Variants in CPQ observed in about 807,000 individuals in gnomAD.
The protein encoded by CPQ is Ser-Met dipeptidase.
Under a neutral mutation model 45.7 loss-of-function variants are expected in CPQ, and 37 were observed. The observed-to-expected ratio is 0.81, with a 90% CI of 0.62 to 1.07. The LOEUF is 1.07. CPQ is among the 50% of genes least tolerant of loss of function. The pLI is 0.00. For missense variants in CPQ, 537 were observed against 572.9 expected (o/e 0.94, Z 0.64); for synonymous variants, 186 against 205.8 (o/e 0.90, Z 0.82).
At chr8:96,944,112 T>C (rs1264964128) in intron 4 of CPQ, among the ~76,000 whole-genome samples, 1 of 152,152 alleles carries the variant, frequency 6.6e-6, no homozygotes, top group Non-Finnish European at 1.5e-5. Context: ...GTACAATCCC[T>C]CTTGAGAATT....
intron 6 of CPQ, among the ~76,000 whole-genome samples, chr8:97,056,055 T>C (rs1434410475): frequency 1.4e-4 from 22 of 152,038 alleles, no homozygotes; most frequent in Admixed American, 6.6e-5. Context: ...GCCAAGATCA[T>C]GCCACTGCAC....
chr8:97,003,105 A>G (rs1366546247), intron 5 of CPQ, among the ~76,000 whole-genome samples: 7 of 151,772 alleles, frequency 4.6e-5, no homozygotes, highest in Middle Eastern at 3.4e-3. Flanking sequence ...TCTGTTTCCT[A>G]TTTGGTAGAT....
chr8:96,723,208 A>G (rs2130764339), intron 1 of CPQ, among the ~76,000 whole-genome samples: 1 of 152,328 alleles, frequency 6.6e-6, no homozygotes, highest in Admixed American at 6.5e-5. Flanking sequence ...TTCTTAAAAA[A>G]TTGGGTCTAC....
At chr8:97,055,593 G>A (rs1378988498) in intron 6 of CPQ, 1 of 151,960 alleles carries the variant, frequency 6.6e-6, no homozygotes, top group Non-Finnish European at 1.5e-5. Context: ...GTGAAGGCTG[G>A]TGGTCGCTTG....
intron 6 of CPQ, among the ~76,000 whole-genome samples, chr8:97,037,120 A>G (rs1387933240): frequency 1.3e-5 from 2 of 152,220 alleles, no homozygotes; most frequent in Non-Finnish European, 2.9e-5. Flanking sequence ...GAAATACACT[A>G]AAGTGTTAGC....
rs764110279 is a variant in CPQ, at chr8:96,774,270, C to CAAAA, written c.-34-10582_-34-10579dup. 1.7e-3 allele frequency among the ~76,000 whole-genome samples: 187 copies of CAAAA among 108,726 alleles called. 4 individuals are homozygous for CAAAA. The highest frequency in any genetic ancestry group is 0.014 in the Admixed American group (146 of 10,278). The allele number at this position is 108,726 out of a possible 152,430, so 71.3% of individuals were successfully genotyped here. On this transcript the variant is annotated intron_variant, in intron 1 of 7. Transcript: ENST00000220763. ...TGGGTGACAGAGCGAGACTCAGTCT[C>CAAAA]AAAAAAAAAAAAAAAGTTTCAACAT...
rs922835291 is a variant in CPQ at position 97,140,029 on chromosome 8, A to G, written c.1256-2991A>G. Among the ~76,000 whole-genome samples, 4 of 151,894 alleles carry G rather than the reference A, an allele frequency of 2.6e-5. No homozygotes were observed. In the East Asian group the frequency reaches 5.8e-4, roughly 22 times the overall value. ...GCAAGATTTAAAAAAAAAACAGAGA[A>G]GACACTGATAATCAACATCAAGAAT... is the stretch of plus-strand genomic sequence containing the variant. On this transcript the variant is annotated intron_variant, in intron 7 of 7. Coordinates refer to ENST00000220763, the MANE Select transcript of CPQ (RefSeq NM_016134.4).
intron 5 of CPQ, among the ~76,000 whole-genome samples, chr8:96,984,929 C>G (rs1034841113): frequency 6.6e-6 from 1 of 152,104 alleles, no homozygotes; most frequent in Non-Finnish European, 1.5e-5. Context: ...ATTTCTTTCT[C>G]CTGGTTCAGT....
chr8:96,704,870 T>C lies in CPQ; in HGVS notation c.-35+59468T>C, dbSNP rs77188955. Among the ~76,000 whole-genome samples the C allele has an allele frequency of 4.4e-3, 676 of 152,198 alleles. 3 individuals are homozygous for C. The highest frequency in any genetic ancestry group is 0.014 in the Middle Eastern group (4 of 294). Reference sequence around the variant, plus strand: ...ATTCAAAGTACCTGTGAAACATCCATTTGGAGGTATTAAGTAGACAATTGG... The same window carrying C: ...ATTCAAAGTACCTGTGAAACATCCACTTGGAGGTATTAAGTAGACAATTGG... On this transcript the variant is annotated intron_variant, in intron 1 of 7. Coordinates refer to ENST00000220763, the MANE Select transcript of CPQ (RefSeq NM_016134.4).
At chr8:96,690,915 G>A (rs1007563930) in intron 1 of CPQ, among the ~76,000 whole-genome samples, 3 of 148,954 alleles carry the variant, frequency 2.0e-5, no homozygotes, top group African/African-American at 7.8e-5. Flanking sequence ...AAAATGCCCT[G>A]CTAGCAACTG....
In CPQ at chr8:96,996,394, G is replaced by A. The variant is rs183734635; in HGVS notation, c.961+30348G>A. On this transcript the variant is annotated intron_variant, in intron 5 of 7. Coordinates refer to ENST00000220763, the MANE Select transcript of CPQ (RefSeq NM_016134.4). ...GTTGCACAAAGGATTTGCAGACCAG[G>A]AAAGGTTTAGATAACATGACCACCA... Among the ~76,000 whole-genome samples the A allele has an allele frequency of 3.0e-3, 459 of 152,044 alleles. 1 individual carries two copies. Among genetic ancestry groups the A allele is most frequent in the African/African-American group, 9.5e-3 (394 of 41,520 alleles).
At chr8:97,133,965 A>C (rs998153093) in intron 7 of CPQ, among the ~76,000 whole-genome samples, 1 of 152,194 alleles carries the variant, frequency 6.6e-6, no homozygotes, top group African/African-American at 2.4e-5. Context: ...GTTCTACATA[A>C]TAGTGTTTGG....
At chr8:96,782,552 A>G (rs1189940804) in intron 1 of CPQ, among the ~76,000 whole-genome samples, 3 of 152,142 alleles carry the variant, frequency 2.0e-5, no homozygotes, top group Admixed American at 6.6e-5. Context: ...GTCTTGATGA[A>G]TAGCACCTGG....
At chr8:96,726,273 C>T (rs1481559774) in intron 1 of CPQ, among the ~76,000 whole-genome samples, 2 of 148,482 alleles carry the variant, frequency 1.3e-5, no homozygotes, top group Admixed American at 1.3e-4. Context: ...GGGTTCTGTG[C>T]TCATTATGGA....
chr8:96,860,941 T>C (rs1811918106), intron 3 of CPQ, among the ~76,000 whole-genome samples: 1 of 152,164 alleles, frequency 6.6e-6, no homozygotes. Flanking sequence ...TGCTGGTTTA[T>C]TTTGAATTTA....
chr8:97,039,084 T>C lies in CPQ; in HGVS notation c.1053+9590T>C, dbSNP rs1007962612. Among the ~76,000 whole-genome samples the C allele has an allele frequency of 4.6e-5, 7 of 152,180 alleles. No homozygotes were observed. The East Asian group carries it at 1.3e-3, about 29-fold the overall frequency. On this transcript the variant is annotated intron_variant, in intron 6 of 7. Transcript: ENST00000220763. The stretch of plus-strand genomic sequence containing the variant: ...GTTGCAGTTGTTTCCCTGTAGGTAT[T>C]TGGCCAACAGAGGCCAACAGAACAC...
At chr8:96,819,363 A>T (rs1263181204) in intron 2 of CPQ, among the ~76,000 whole-genome samples, 3 of 152,172 alleles carry the variant, frequency 2.0e-5, no homozygotes, top group African/African-American at 7.2e-5. Flanking sequence ...TGGGCACTCT[A>T]GGTATATAAC....
intron 3 of CPQ, among the ~76,000 whole-genome samples, chr8:96,852,570 T>C (rs1330903214): frequency 1.3e-5 from 2 of 152,216 alleles, no homozygotes; most frequent in South Asian, 2.1e-4. Context: ...CTCCTGCTTA[T>C]TTCTCTCTCT....
chr8:97,014,641 C>CA (rs368425080), intron 5 of CPQ, among the ~76,000 whole-genome samples: 711 of 58,064 alleles, frequency 0.012, 4 homozygotes, highest in Middle Eastern at 0.036. Flanking sequence ...GACTCCATCT[C>CA]AAAAAAAAAA....
Sources: allele counts gnomAD v4.1 joint callset (sites outside exome capture counted in the v4.1 genomes callset), GRCh38; gene constraint gnomAD v4.1.1; transcripts MANE v1.5; gene names NCBI Gene and HGNC (gene_info 2026-07-23, HGNC 2026-07-21).